The following SLC44A5 variants were observed in gnomAD, a reference collection of about 807,000 sequenced individuals.
SLC44A5 encodes solute carrier family 44 member 5.
SLC44A5 carries 57 observed loss-of-function variants against 101.8 expected under a neutral mutation model. The ratio of observed to expected loss-of-function variants is 0.56; its 90% CI spans 0.45 to 0.70. The LOEUF (loss-of-function observed/expected upper bound fraction) is 0.70, where lower values mean the gene tolerates loss of function less well. Ranked by LOEUF, SLC44A5 falls within the 30% of genes least tolerant of loss-of-function variation. SLC44A5 has a pLI of 0.00. For missense variants in SLC44A5, 737 were observed against 853.1 expected (o/e 0.86, Z 1.70); for synonymous variants, 281 against 290.9 (o/e 0.97, Z 0.35).
At chr1:75,672,061 G>C in the SLC44A5 span, among the ~76,000 whole-genome samples, 3 of 151,034 alleles carry the variant, frequency 2.0e-5, no homozygotes, top group Non-Finnish European at 3.0e-5. Flanking sequence ...ACCCAAAAAA[G>C]CACCTTCATA....
chr1:75,506,478 G>A (rs751296913), intron 2 of SLC44A5, among the ~76,000 whole-genome samples: 1 of 152,066 alleles, frequency 6.6e-6, no homozygotes, highest in Non-Finnish European at 1.5e-5. Flanking sequence ...TCCAATTGAC[G>A]AGCATGGAAT....
intron 1 of SLC44A5, among the ~76,000 whole-genome samples, chr1:75,580,949 G>A (rs975948978): frequency 6.6e-6 from 1 of 152,050 alleles, no homozygotes; most frequent in Non-Finnish European, 1.5e-5. Context: ...CTACAAGATG[G>A]AATTAGTGCC....
chr1:75,221,069 C>A (rs1647069342), intron 14 of SLC44A5, among the ~76,000 whole-genome samples: 2 of 152,104 alleles, frequency 1.3e-5, no homozygotes, highest in African/African-American at 4.8e-5. Flanking sequence ...TATCATACTA[C>A]TTAAGAAATA....
intron 2 of SLC44A5, among the ~76,000 whole-genome samples, chr1:75,540,253 T>C (rs917164570): frequency 6.6e-6 from 1 of 152,212 alleles, no homozygotes; most frequent in Non-Finnish European, 1.5e-5. Context: ...ATTATTATTG[T>C]TATTTTTTAC....
chr1:75,419,919 T>C (rs1272445440), intron 2 of SLC44A5, among the ~76,000 whole-genome samples: 1 of 152,158 alleles, frequency 6.6e-6, no homozygotes, highest in Non-Finnish European at 1.5e-5. Context: ...CTGTGAACCC[T>C]AGAGCAACCA....
At chr1:75,322,311 CA>C (rs543467036) in intron 4 of SLC44A5, among the ~76,000 whole-genome samples, 14 of 151,248 alleles carry the variant, frequency 9.3e-5, no homozygotes, top group South Asian at 6.2e-4. Context: ...GACTCCATCT[CA>C]AAAAAAGAGC....
intron 1 of SLC44A5, among the ~76,000 whole-genome samples, chr1:75,609,920 C>A (rs748743947): frequency 2.0e-5 from 3 of 151,922 alleles, no homozygotes; most frequent in Non-Finnish European, 4.4e-5. Context: ...ATTCAGGAAT[C>A]CAGAAGCAGC....
chr1:75,308,872 GA>G (rs1256126259), intron 4 of SLC44A5, among the ~76,000 whole-genome samples: 1 of 152,114 alleles, frequency 6.6e-6, no homozygotes, highest in African/African-American at 2.4e-5. Flanking sequence ...ATAATCATAT[GA>G]TAATCTTTTT....
chr1:75,228,641 C>A (rs917175099), intron 12 of SLC44A5, among the ~76,000 whole-genome samples: 1 of 151,628 alleles, frequency 6.6e-6, no homozygotes, highest in African/African-American at 2.4e-5. Context: ...TCTTCCAATT[C>A]TTGTCTTTTA....
intron 1 of SLC44A5, among the ~76,000 whole-genome samples, chr1:75,565,430 A>G (rs959487177): frequency 6.6e-6 from 1 of 152,254 alleles, no homozygotes; most frequent in African/African-American, 2.4e-5. Flanking sequence ...TTATAACAGC[A>G]GCAGTTAATT....
At chr1:75,635,981 G>T in the SLC44A5 span, among the ~76,000 whole-genome samples, 5 of 151,912 alleles carry the variant, frequency 3.3e-5, no homozygotes, top group Non-Finnish European at 7.4e-5. Context: ...TCGTGTAATT[G>T]TAACGTCAAG....
Position 75,258,480 on chromosome 1 carries a change from C to T in SLC44A5, c.261-7186G>A, listed in dbSNP as rs571903810. The stretch of plus-strand genomic sequence containing the variant: ...GCTGCCAGACTGCCTCTCCAGATTT[C>T]CTCCTCTCTGGGCAGGGCATCTCTG... On this transcript the variant is annotated intron_variant, in intron 6 of 23. Transcript: ENST00000370859. Among the ~76,000 whole-genome samples the T allele has an allele frequency of 3.9e-4, 59 of 152,200 alleles. 1 individual carries two copies. The South Asian group carries it at 0.011, about 29-fold the overall frequency.
chr1:75,336,577 G>A (rs1470707593), intron 4 of SLC44A5, among the ~76,000 whole-genome samples: 1 of 152,154 alleles, frequency 6.6e-6, no homozygotes, highest in East Asian at 1.9e-4. Context: ...TCTAAAACCC[G>A]AGATGATAAT....
chr1:75,269,676 T>C (rs1651300677), intron 6 of SLC44A5, among the ~76,000 whole-genome samples: 1 of 152,192 alleles, frequency 6.6e-6, no homozygotes, highest in African/African-American at 2.4e-5. Context: ...TGCTACTGAC[T>C]TGAAATCCAT....
At chr1:75,553,911 A>T (rs749181595) in intron 1 of SLC44A5, among the ~76,000 whole-genome samples, 1 of 151,956 alleles carries the variant, frequency 6.6e-6, no homozygotes, top group East Asian at 1.9e-4. Context: ...GAGGAGGAGG[A>T]GGAGCTAGGG....
intron 1 of SLC44A5, among the ~76,000 whole-genome samples, chr1:75,604,535 T>C (rs1675204335): frequency 6.6e-6 from 1 of 152,132 alleles, no homozygotes; most frequent in Non-Finnish European, 1.5e-5. Flanking sequence ...AATTTTAGAA[T>C]AGTTTTTTCT....
At chr1:75,254,888 T>C (rs1649884460) in intron 6 of SLC44A5, among the ~76,000 whole-genome samples, 1 of 152,156 alleles carries the variant, frequency 6.6e-6, no homozygotes, top group African/African-American at 2.4e-5. Context: ...AGAAAATAGC[T>C]GATGAGCTAA....
At chr1:75,254,043 C>CA (rs1179198115) in intron 6 of SLC44A5, among the ~76,000 whole-genome samples, 25 of 146,796 alleles carry the variant, frequency 1.7e-4, no homozygotes, top group Admixed American at 2.7e-4. Flanking sequence ...GGGACCACAA[C>CA]TTTTTTTTTT....
At chr1:75,426,261 A>G (rs886876539) in intron 2 of SLC44A5, among the ~76,000 whole-genome samples, 2 of 152,178 alleles carry the variant, frequency 1.3e-5, no homozygotes, top group Non-Finnish European at 2.9e-5. Context: ...CGGTGGGAAA[A>G]TATGATTCTG....
Sources: gnomAD v4.1 joint callset for allele counts (sites outside exome capture counted in the v4.1 genomes callset) on GRCh38, gnomAD v4.1.1 for gene constraint, MANE v1.5 for transcripts, NCBI Gene and HGNC (gene_info 2026-07-23, HGNC 2026-07-21) for gene names.